Variants in CFAP47 observed in about 807,000 individuals in gnomAD.
CFAP47 encodes cilia- and flagella-associated protein 47.
In CFAP47, 29 loss-of-function variants were observed where a neutral mutation model predicts 148.1. The observed-to-expected ratio is 0.20, with a 90% CI of 0.15 to 0.27. The LOEUF (loss-of-function observed/expected upper bound fraction) is 0.27. CFAP47 is among the 10% of genes least tolerant of loss of function. The pLI is 1.00. For synonymous variants in CFAP47, 664 were observed against 577.3 expected (o/e 1.15, Z -2.15); for missense variants, 1,872 against 1,697.5 (o/e 1.10, Z -1.81).
At chrX:36,258,512 A>G (rs1940780587) in intron 49 of CFAP47, among the ~76,000 whole-genome samples, 2 of 112,019 alleles carry the variant, frequency 1.8e-5, no homozygotes, top group Admixed American at 1.9e-4. Context: ...ATTGATGCAC[A>G]ACTATTTTCA....
chrX:36,091,323 T>A lies in CFAP47; in HGVS notation c.4916+5785T>A. ...TCCTCCAGTTCTCAGTAACGTTTGA[T>A]ATAAGTGACCACTTACACACTGAAA... On this transcript the variant is annotated intron_variant, in intron 30 of 63. Transcript: ENST00000378653. 1.8e-5 allele frequency among the ~76,000 whole-genome samples: 2 copies of A among 111,444 alleles called. 1 individual carries two copies. The highest frequency in any genetic ancestry group is 3.8e-5 in the Non-Finnish European group (2 of 52,976).
intron 1 of CFAP47, among the ~76,000 whole-genome samples, chrX:35,923,928 T>TATGTAC (rs1569200766): frequency 8.5e-5 from 6 of 70,188 alleles, no homozygotes; most frequent in Non-Finnish European, 1.3e-4. Context: ...TGTACATATA[T>TATGTAC]ATGTGTATAT....
intron 39 of CFAP47, among the ~76,000 whole-genome samples, chrX:36,174,919 C>G (rs1939647476): frequency 9.0e-6 from 1 of 111,448 alleles, no homozygotes; most frequent in African/African-American, 3.3e-5. Context: ...TCCATTCTCC[C>G]CGTCACTTTC....
intron 63 of CFAP47, chrX:36,379,886 T>G (rs1400185919): frequency 8.4e-6 from 1 of 118,355 alleles, no homozygotes; most frequent in African/African-American, 3.3e-5. Context: ...GAGATAGGGA[T>G]TTTGGAGCCC....
At chrX:36,209,011 A>T (rs1004628339) in intron 45 of CFAP47, among the ~76,000 whole-genome samples, 68 of 112,147 alleles carry the variant, frequency 6.1e-4, no homozygotes, top group African/African-American at 2.2e-3. Context: ...AAACTTATGA[A>T]ACATACTTTG....
At chrX:35,924,043 G>GTATGCGCACATTTATGTA (rs1935647538) in intron 1 of CFAP47, among the ~76,000 whole-genome samples, 3 of 92,056 alleles carry the variant, frequency 3.3e-5, no homozygotes, top group African/African-American at 9.4e-5. Flanking sequence ...ACATATATGT[G>GTATGCGCACATTTATGTA]TATATGTACA....
chrX:35,939,693 A>G (rs1393518565), intron 2 of CFAP47, among the ~76,000 whole-genome samples: 3 of 86,947 alleles, frequency 3.5e-5, no homozygotes, highest in Admixed American at 2.8e-4. Flanking sequence ...CCAGTCTATC[A>G]TTGTTGGACA....
chrX:36,283,336 AAATT>A (rs2146946005), intron 50 of CFAP47, among the ~76,000 whole-genome samples: 1 of 111,683 alleles, frequency 9.0e-6, no homozygotes, highest in African/African-American at 3.2e-5. Context: ...TCTAATCAAT[AAATT>A]AATACTCAAT....
chrX:35,923,045 T>C (rs923634696), intron 1 of CFAP47, among the ~76,000 whole-genome samples: 4 of 111,636 alleles, frequency 3.6e-5, no homozygotes, highest in African/African-American at 9.8e-5. Context: ...TTGACACTTA[T>C]GTCTCTATCA....
intron 2 of CFAP47, among the ~76,000 whole-genome samples, chrX:35,937,447 C>A (rs1045524504): frequency 5.4e-5 from 6 of 110,092 alleles, no homozygotes; most frequent in African/African-American, 2.0e-4. Context: ...CCTCCAGTCC[C>A]AGAGTTCTAA....
chrX:36,325,384 T>C (rs1602109164), intron 57 of CFAP47, among the ~76,000 whole-genome samples: 2 of 111,533 alleles, frequency 1.8e-5, no homozygotes, highest in Admixed American at 1.9e-4. Context: ...AGGTTTGAAT[T>C]TGGGGCTTAG....
At chrX:36,316,503 G>A (rs782084070) in intron 56 of CFAP47, among the ~76,000 whole-genome samples, 1 of 111,930 alleles carries the variant, frequency 8.9e-6, no homozygotes, top group African/African-American at 3.2e-5. Context: ...AAGAATGGTT[G>A]CCTCTTTTGA....
chrX:36,160,542 G>A (rs1281357624), intron 38 of CFAP47, 139 bp from the exon 39 acceptor site: 2 of 258,900 alleles, frequency 7.7e-6, no homozygotes, highest in Admixed American at 6.6e-5. Flanking sequence ...TTTCTCCATG[G>A]AATTTCTTTT....
intron 2 of CFAP47, among the ~76,000 whole-genome samples, 180 bp downstream of exon 2, chrX:35,926,348 T>TA (rs1935741635): frequency 8.9e-6 from 1 of 112,150 alleles, no homozygotes. Flanking sequence ...TATTTTTATT[T>TA]AAAAAACGAC....
chrX:36,238,817 A>G (rs1313561990), intron 48 of CFAP47, among the ~76,000 whole-genome samples: 1 of 111,751 alleles, frequency 8.9e-6, no homozygotes, highest in South Asian at 3.7e-4. Flanking sequence ...GCTTCAGGCT[A>G]TCATCTAAAT....
chrX:36,134,370 C>A (rs1450417087), intron 33 of CFAP47, among the ~76,000 whole-genome samples: 3 of 110,632 alleles, frequency 2.7e-5, no homozygotes, highest in African/African-American at 9.8e-5. Context: ...TTTGAAAAGG[C>A]GGAAGAAATT....
At chrX:36,310,720 A>C (rs1941386861) in intron 55 of CFAP47, 113 bp from the exon 56 acceptor site, 1 of 377,748 alleles carries the variant, frequency 2.6e-6, no homozygotes, top group Non-Finnish European at 4.4e-6. Context: ...GCTTTTTAAC[A>C]ACAAAACTTT....
intron 2 of CFAP47, among the ~76,000 whole-genome samples, chrX:35,930,609 AT>A (rs1238512305): frequency 1.8e-5 from 2 of 111,351 alleles, no homozygotes; most frequent in Non-Finnish European, 3.8e-5. Context: ...TAAATTATGA[AT>A]TTAGTTTTTT....
intron 40 of CFAP47, among the ~76,000 whole-genome samples, chrX:36,181,708 A>G (rs928306037): frequency 1.8e-5 from 2 of 112,256 alleles, no homozygotes; most frequent in Admixed American, 1.9e-4. Context: ...AGTCAGGCTC[A>G]TGCAGATTAA....
Sources: gnomAD v4.1 joint callset for allele counts (sites outside exome capture counted in the v4.1 genomes callset) on GRCh38, gnomAD v4.1.1 for gene constraint, MANE v1.5 for transcripts, NCBI Gene and HGNC (gene_info 2026-07-23, HGNC 2026-07-21) for gene names.